Variants in RPS6KA2 observed in about 807,000 individuals in gnomAD.
RPS6KA2 encodes the protein ribosomal protein S6 kinase A2.
A neutral mutation model predicts 91.8 loss-of-function variants in RPS6KA2; 42 were observed. The observed-to-expected ratio is 0.46, with a 90% CI of 0.36 to 0.59. The LOEUF (loss-of-function observed/expected upper bound fraction) is 0.59, where lower values mean the gene tolerates loss of function less well. Among genes scored for constraint, RPS6KA2 ranks in the 20% least tolerant of loss-of-function variants. RPS6KA2 has a pLI of 0.00. For synonymous variants in RPS6KA2, 414 were observed against 393.6 expected, an observed-to-expected ratio of 1.05 and a Z score of -0.61; for missense variants, 798 against 978.5, an observed-to-expected ratio of 0.82 and a Z score of 2.46.
intron 2 of RPS6KA2, among the ~76,000 whole-genome samples, chr6:166,640,503 A>C (rs1445841455): frequency 6.6e-6 from 1 of 152,016 alleles, no homozygotes; most frequent in African/African-American, 2.4e-5. Flanking sequence ...GCTCGGGAGG[A>C]AGCTGGGGCT....
chr6:166,774,227 G>A (rs751844998), intron 2 of RPS6KA2, among the ~76,000 whole-genome samples: 9 of 152,140 alleles, frequency 5.9e-5, no homozygotes, highest in South Asian at 2.1e-4. Context: ...AAGGTGTTCC[G>A]TGTGCTCACA....
At chr6:166,539,573 T>C (rs1297557656) in intron 1 of RPS6KA2, among the ~76,000 whole-genome samples, 1 of 152,162 alleles carries the variant, frequency 6.6e-6, no homozygotes, top group African/African-American at 2.4e-5. Flanking sequence ...TGCCATCCTA[T>C]AGATTATATT....
chr6:166,674,835 A>T (rs1788574219), intron 2 of RPS6KA2, among the ~76,000 whole-genome samples: 1 of 152,004 alleles, frequency 6.6e-6, no homozygotes, highest in Non-Finnish European at 1.5e-5. Flanking sequence ...CGCCCAGCTA[A>T]TTTTTGTATT....
intron 2 of RPS6KA2, among the ~76,000 whole-genome samples, chr6:166,650,836 GTCTC>G (rs1275688367): frequency 2.0e-5 from 3 of 152,238 alleles, no homozygotes; most frequent in African/African-American, 7.2e-5. Context: ...AAGACTGCAG[GTCTC>G]GTTTGGGCAG....
intron 14 of RPS6KA2, among the ~76,000 whole-genome samples, chr6:166,436,535 G>A (rs868607048): frequency 1.3e-5 from 2 of 152,208 alleles, no homozygotes; most frequent in Admixed American, 6.5e-5. Flanking sequence ...GGGGAGGTGC[G>A]CCCTGACAGG....
chr6:166,645,208 A>G (rs770247995), intron 2 of RPS6KA2, among the ~76,000 whole-genome samples: 8 of 152,246 alleles, frequency 5.3e-5, no homozygotes, highest in Non-Finnish European at 1.2e-4. Flanking sequence ...AGACTTGAAA[A>G]TGTAACAAGA....
At chr6:166,466,625 A>T (rs1390382752) in intron 11 of RPS6KA2, among the ~76,000 whole-genome samples, 1 of 152,196 alleles carries the variant, frequency 6.6e-6, no homozygotes, top group Non-Finnish European at 1.5e-5. Flanking sequence ...TGGTCTCTGG[A>T]GGAAGGACTA....
chr6:166,468,883 G>C (rs1780645151), intron 11 of RPS6KA2, among the ~76,000 whole-genome samples: 1 of 148,560 alleles, frequency 6.7e-6, no homozygotes, highest in African/African-American at 2.5e-5. Flanking sequence ...AGAAGACAGA[G>C]AGGAAAGCGA....
At chr6:166,695,038 C>T (rs1415746754) in intron 2 of RPS6KA2, among the ~76,000 whole-genome samples, 2 of 152,180 alleles carry the variant, frequency 1.3e-5, no homozygotes, top group Non-Finnish European at 2.9e-5. Flanking sequence ...AGATGCTATC[C>T]TGGCCACCAA....
At position 166,732,524 on chromosome 6, in the gene RPS6KA2, G is replaced by C. The variant is rs1204946953; in HGVS notation, c.123+125676C>G. 3.3e-5 allele frequency among the ~76,000 whole-genome samples: 5 copies of C among 152,180 alleles called. No individual in the cohort carries two copies. Among genetic ancestry groups the C allele is most frequent in the Non-Finnish European group, 7.3e-5 (5 of 68,030 alleles). Reference sequence around the variant, plus strand: ...GGAATCACTGAACCTTATCACATGGGCTTGCTATGGGAGTTCACATGATTT... The same window carrying C: ...GGAATCACTGAACCTTATCACATGGCCTTGCTATGGGAGTTCACATGATTT... On this transcript the variant is annotated intron_variant, in intron 2 of 21. Coordinates refer to the RPS6KA2 transcript ENST00000503859. This position sits in a 1 kb window ranked among gnomAD's most constrained non-coding sequence, Gnocchi z 4.0.
intron 1 of RPS6KA2, among the ~76,000 whole-genome samples, chr6:166,593,455 G>A (rs1366232340): frequency 6.6e-6 from 1 of 152,192 alleles, no homozygotes; most frequent in Non-Finnish European, 1.5e-5. Flanking sequence ...TTGTGATCAA[G>A]TGTTAACAGA....
chr6:166,786,687 G>C (rs1778938427), intron 2 of RPS6KA2, among the ~76,000 whole-genome samples: 1 of 151,920 alleles, frequency 6.6e-6, no homozygotes, highest in Non-Finnish European at 1.5e-5. Flanking sequence ...CACATCACAG[G>C]AGGAAAAAAA....
intron 11 of RPS6KA2, among the ~76,000 whole-genome samples, chr6:166,463,990 C>T (rs1780426516): frequency 6.6e-6 from 1 of 152,098 alleles, no homozygotes; most frequent in African/African-American, 2.4e-5. Flanking sequence ...TGCTGGGTTC[C>T]CTGAAGGGGG....
rs566367756 is a variant in RPS6KA2 at position 166,732,271 on chromosome 6, A to G, written c.123+125929T>C. On this transcript the variant is annotated intron_variant, in intron 2 of 21. Coordinates refer to the RPS6KA2 transcript ENST00000503859. The surrounding 1 kb of genome is among the most constrained non-coding windows in gnomAD (Gnocchi z 4.0). Reference sequence around the variant, plus strand: ...TAGCTTCATGATTCCCCCAAAATAGACTGATAAAAATACAATTTAGAAGTA... The same window carrying G: ...TAGCTTCATGATTCCCCCAAAATAGGCTGATAAAAATACAATTTAGAAGTA... Among the ~76,000 whole-genome samples the G allele has an allele frequency of 2.6e-5, 4 of 152,308 alleles. No individual in the cohort carries two copies. The highest frequency in any genetic ancestry group is 9.6e-5 in the African/African-American group (4 of 41,564).
chr6:166,557,423 C>T lies in RPS6KA2; in HGVS notation c.100-18639G>A, dbSNP rs2128503971. Among the ~76,000 whole-genome samples the T allele has an allele frequency of 6.6e-6, 1 of 152,382 alleles. No homozygotes were observed. Among genetic ancestry groups the T allele is most frequent in the Admixed American group, 6.5e-5 (1 of 15,314 alleles). On this transcript the variant is annotated intron_variant, in intron 1 of 20. Coordinates refer to ENST00000265678, the MANE Select transcript of RPS6KA2 (RefSeq NM_021135.6). This position sits in a 1 kb window ranked among gnomAD's most constrained non-coding sequence, Gnocchi z 4.8. ...GAAAATGAACTGTTCTCCCACTGAG[C>T]TGTGCCTCAACCCAAATTAACCTGA...
chr6:166,629,774 G>A (rs894797210), upstream of RPS6KA2, among the ~76,000 whole-genome samples: 4 of 152,164 alleles, frequency 2.6e-5, no homozygotes, highest in Non-Finnish European at 4.4e-5. Flanking sequence ...TCTGACTCAA[G>A]CACAGTAAGT....
intron 2 of RPS6KA2, among the ~76,000 whole-genome samples, chr6:166,768,740 G>C (rs770338796): frequency 1.3e-5 from 2 of 152,174 alleles, no homozygotes; most frequent in African/African-American, 4.8e-5. Context: ...GGCTGCTCCC[G>C]GGTGACGCTG....
At chr6:166,769,223 A>G (rs988327281) in intron 2 of RPS6KA2, among the ~76,000 whole-genome samples, 6 of 152,246 alleles carry the variant, frequency 3.9e-5, no homozygotes, top group Non-Finnish European at 5.9e-5. Context: ...TGGAGTGCCC[A>G]GGCTAGGTGT....
rs77712807 is a variant in RPS6KA2 at position 166,555,967 on chromosome 6, A to G, written c.100-17183T>C. Among the ~76,000 whole-genome samples, 4 of 152,262 alleles carry G rather than the reference A, an allele frequency of 2.6e-5. No homozygotes were observed. The East Asian group carries it at 7.7e-4, about 29-fold the overall frequency. On this transcript the variant is annotated intron_variant, in intron 1 of 20. Transcript: ENST00000265678. The stretch of plus-strand genomic sequence containing the variant: ...TAGAGTGACAGTTGCTAAGTGGGGT[A>G]TCTGGGGGAAAACAGTTGGGGCAGT...
Sources: gnomAD v4.1 joint callset for allele counts (sites outside exome capture counted in the v4.1 genomes callset) on GRCh38, gnomAD v4.1.1 for gene constraint, Gnocchi (gnomAD v3.1) non-coding constraint, MANE v1.5 for transcripts, NCBI Gene and HGNC (gene_info 2026-07-23, HGNC 2026-07-21) for gene names.